The following PDCD11 variants were observed in gnomAD, a reference collection of about 807,000 sequenced individuals.
PDCD11 encodes protein RRP5 homolog.
In PDCD11, 97 loss-of-function variants were observed where a neutral mutation model predicts 198.9. That is an observed-to-expected ratio of 0.49 (90% CI 0.41 to 0.58). The LOEUF (loss-of-function observed/expected upper bound fraction) is 0.58, where lower values mean the gene tolerates loss of function less well. Ranked by LOEUF, PDCD11 falls within the 20% of genes least tolerant of loss-of-function variation. The probability of loss-of-function intolerance (pLI) is 0.00; values close to 1 mark genes in which losing one functional copy is unlikely to be tolerated. For synonymous variants in PDCD11, 893 were observed against 918.0 expected (o/e 0.97, Z 0.49); for missense variants, 2,102 against 2,312.7 (o/e 0.91, Z 1.87).
At position 103,421,447 on chromosome 10, in the gene PDCD11, A is replaced by C; in HGVS notation, c.2377A>C (p.Met793Leu). Residue 793 changes from methionine to leucine, a missense_variant, in exon 17 of 36, where the codon ATG becomes CTG. By Grantham distance (15) the Met-to-Leu change is conservative. Coordinates refer to ENST00000369797, the MANE Select transcript of PDCD11 (RefSeq NM_014976.2). ...CAATGTGGATGAGGAGAAGCAGCGG[A>C]TGCTGCTGTCACTGCGGCTGTCGGA... The part of the protein sequence containing the change: ...VTNVDEEKQR[M>L]LLSLRLSDCG... 6.2e-7 allele frequency: 1 copy of C among 1,605,498 alleles called. No homozygotes were observed. Among genetic ancestry groups the C allele is most frequent in the African/African-American group, 1.3e-5 (1 of 74,996 alleles).
chr10:103,402,162 G>A (rs2030121593), intron 3 of PDCD11, among the ~76,000 whole-genome samples: 1 of 152,188 alleles, frequency 6.6e-6, no homozygotes, highest in African/African-American at 2.4e-5. Context: ...CTGAGTAGTG[G>A]TTGTGTCCTT....
At chr10:103,442,766 C>T (rs1003424268) in intron 32 of PDCD11, among the ~76,000 whole-genome samples, 2 of 152,202 alleles carry the variant, frequency 1.3e-5, no homozygotes, top group African/African-American at 2.4e-5. Flanking sequence ...CATACCTGGG[C>T]GAAATCCCTG....
chr10:103,421,076 A>C (rs1263386854), intron 16 of PDCD11, among the ~76,000 whole-genome samples: 1 of 151,938 alleles, frequency 6.6e-6, no homozygotes, highest in African/African-American at 2.4e-5. Flanking sequence ...GGGTTTCACC[A>C]TGTTGGTCAG....
chr10:103,441,452 G>A (rs1196775271), intron 30 of PDCD11, among the ~76,000 whole-genome samples: 2 of 151,938 alleles, frequency 1.3e-5, no homozygotes, highest in African/African-American at 4.8e-5. Context: ...AGGGGGTTTC[G>A]CCATGTTGGC....
chr10:103,411,732 G>T (rs982188540), intron 8 of PDCD11, among the ~76,000 whole-genome samples: 2 of 152,116 alleles, frequency 1.3e-5, no homozygotes, highest in Non-Finnish European at 2.9e-5. Flanking sequence ...CTACTACCTA[G>T]TGGTAATACT....
chr10:103,441,844 G>T lies in PDCD11; in HGVS notation c.4576G>T (p.Ala1526Ser), dbSNP rs1314774141. The T allele has an allele frequency of 1.2e-6, 2 of 1,614,042 alleles. No individual in the cohort carries two copies. Among genetic ancestry groups the T allele is most frequent in the Non-Finnish European group, 1.7e-6 (2 of 1,180,008 alleles). ...CCTCCAGGAGAAGCAAACCAAGCCA[G>T]CAGAAGCGCCCCGGCTGCAGCTGTC... ...VLPKEKQTKP[A>S]EAPRLQLSSG... Residue 1526 changes from alanine to serine, a missense_variant, in exon 31 of 36, where the codon GCA becomes TCA. Transcript: ENST00000369797.
intron 4 of PDCD11, among the ~76,000 whole-genome samples, chr10:103,404,485 G>A (rs747886180): frequency 3.3e-5 from 5 of 152,082 alleles, no homozygotes; most frequent in Non-Finnish European, 5.9e-5. Flanking sequence ...TTTTAGTAGA[G>A]ACAGGGTTTT....
intron 18 of PDCD11, among the ~76,000 whole-genome samples, 193 bp downstream of exon 18, chr10:103,423,330 A>AT (rs2031544608): frequency 6.6e-6 from 1 of 152,112 alleles, no homozygotes; most frequent in South Asian, 2.1e-4. Flanking sequence ...GTAAATCTAG[A>AT]TTTTTATATA....
intron 7 of PDCD11, among the ~76,000 whole-genome samples, chr10:103,407,957 G>A (rs554156593): frequency 6.6e-6 from 1 of 152,150 alleles, no homozygotes; most frequent in South Asian, 2.1e-4. Context: ...GACCTTAAGT[G>A]ATCTGCCTGC....
chr10:103,418,961 A>T (rs1417563492), intron 15 of PDCD11, among the ~76,000 whole-genome samples: 2 of 147,990 alleles, frequency 1.4e-5, no homozygotes, highest in Non-Finnish European at 3.0e-5. Context: ...ACCAATAATA[A>T]GGTGGCTTCT....
chr10:103,415,175 G>A, intron 12 of PDCD11, 24 bp downstream of exon 12: 1 of 1,612,712 alleles, frequency 6.2e-7, no homozygotes, highest in South Asian at 1.1e-5. Flanking sequence ...AGGGTCTCTT[G>A]GGGTTTTGGC....
rs371111198 is a variant in PDCD11, at chr10:103,414,330, G to A, written c.1371G>A (p.Lys457=). The change falls in exon 11 of 36, where the codon AAG becomes AAA. Residue 457 remains lysine (K), a splice_region_variant and synonymous_variant. Coordinates refer to ENST00000369797, the MANE Select transcript of PDCD11 (RefSeq NM_014976.2). The stretch of plus-strand genomic sequence containing the variant: ...ACATCGAACCTGGGGCAGTGGTAAA[G>A]GTAAGACCTCAAGCATATAATTAGG... The part of the protein sequence containing the change: ...YHDIEPGAVV[K]GTVLTIKSYG... 16 of 1,611,240 alleles carry A rather than the reference G, an allele frequency of 9.9e-6. No homozygotes were observed. Among genetic ancestry groups the A allele is most frequent in the Non-Finnish European group, 1.3e-5 (15 of 1,177,536 alleles).
chr10:103,423,120 G>A lies in PDCD11; in HGVS notation c.2630G>A (p.Ser877Asn), dbSNP rs199529671. The A allele has an allele frequency of 2.3e-5, 36 of 1,587,538 alleles. No individual in the cohort carries two copies. Among genetic ancestry groups the A allele is most frequent in the Non-Finnish European group, 3.0e-5 (35 of 1,168,206 alleles). The stretch of plus-strand genomic sequence containing the variant: ...GTGCCCGACCTGGTCCTGAAAGCCA[G>A]CAGATACCATCGCGCAGGTGAGTGC... Reference protein sequence around the residue: ...GPVPDLVLKASRYHRAGQEVE... With the variant: ...GPVPDLVLKANRYHRAGQEVE... Residue 877 changes from serine to asparagine, a missense_variant, in exon 18 of 36, where the codon AGC (serine) becomes AAC (asparagine). Coordinates refer to ENST00000369797, the MANE Select transcript of PDCD11 (RefSeq NM_014976.2).
intron 25 of PDCD11, among the ~76,000 whole-genome samples, chr10:103,435,599 T>G (rs987551788): frequency 6.6e-6 from 1 of 152,062 alleles, no homozygotes; most frequent in Non-Finnish European, 1.5e-5. Context: ...CACTGCAGTC[T>G]CCTCCCAAGT....
chr10:103,431,982 C>T (rs1160784929), intron 21 of PDCD11, 147 bp from the exon 22 acceptor site: 6 of 598,472 alleles, frequency 1.0e-5, no homozygotes, highest in Non-Finnish European at 1.8e-5. Flanking sequence ...TGGACATTCC[C>T]CTTTGAGGAG....
At chr10:103,418,346 C>T in intron 14 of PDCD11, 94 bp from the exon 15 acceptor site, 1 of 981,866 alleles carries the variant, frequency 1.0e-6, no homozygotes, top group Non-Finnish European at 1.6e-6. Context: ...ATCCTTGGTG[C>T]CGGAGTTTAA....
intron 7 of PDCD11, among the ~76,000 whole-genome samples, chr10:103,407,647 T>A (rs956604598): frequency 6.6e-6 from 1 of 152,144 alleles, no homozygotes; most frequent in African/African-American, 2.4e-5. Flanking sequence ...TGAGCTCTAG[T>A]GATCCTCCCA....
At chr10:103,444,767 TTC>T (rs755981868) in intron 35 of PDCD11, 85 bp downstream of exon 35, 64 of 1,292,144 alleles carry the variant, frequency 5.0e-5, no homozygotes, top group Admixed American at 1.0e-4. Context: ...AGCATCCCAG[TTC>T]TCTTACTTGA....
chr10:103,419,646 A>G lies in PDCD11; in HGVS notation c.2215A>G (p.Ile739Val). 1.2e-6 allele frequency: 2 copies of G among 1,614,186 alleles called. No individual in the cohort carries two copies. The highest frequency in any genetic ancestry group is 1.7e-6 in the Non-Finnish European group (2 of 1,180,028). The change falls in exon 16 of 36, where the codon ATC becomes GTC. Residue 739 changes from isoleucine to valine, a missense_variant. Transcript: ENST00000369797. Reference protein sequence around the residue: ...GMLLIGFVKSIKDYGVFIQFP... With the variant: ...GMLLIGFVKSVKDYGVFIQFP... ...GCTGCTCATTGGTTTTGTGAAGAGCATCAAGGACTATGGCGTGTTCATCCA... is the reference window on the plus strand; with the variant it reads ...GCTGCTCATTGGTTTTGTGAAGAGCGTCAAGGACTATGGCGTGTTCATCCA...
Sources: gnomAD v4.1 joint callset for allele counts (sites outside exome capture counted in the v4.1 genomes callset) on GRCh38, gnomAD v4.1.1 for gene constraint, MANE v1.5 for transcripts, NCBI Gene and HGNC (gene_info 2026-07-23, HGNC 2026-07-21) for gene names.